AHCYL2: variants seen among roughly 807,000 people sequenced by gnomAD.
AHCYL2 encodes S-adenosylhomocysteine hydrolase-like protein 2.
Under a neutral mutation model 81.4 loss-of-function variants are expected in AHCYL2, and 28 were observed. The ratio of observed to expected loss-of-function variants is 0.34; its 90% CI spans 0.25 to 0.47. The LOEUF (loss-of-function observed/expected upper bound fraction) is 0.47. Ranked by LOEUF, AHCYL2 falls within the 20% of genes least tolerant of loss-of-function variation. The pLI is 1.00. For synonymous variants in AHCYL2, 272 were observed against 290.2 expected (o/e 0.94, Z 0.64); for missense variants, 551 against 785.1 (o/e 0.70, Z 3.56).
chr7:129,339,809 C>T (rs1463129976), intron 1 of AHCYL2, among the ~76,000 whole-genome samples: 1 of 152,008 alleles, frequency 6.6e-6, no homozygotes, highest in East Asian at 1.9e-4. Context: ...GGACTACAGG[C>T]ATGAGCCACC....
At chr7:129,417,228 C>T (rs1661960284) in intron 12 of AHCYL2, among the ~76,000 whole-genome samples, 1 of 152,172 alleles carries the variant, frequency 6.6e-6, no homozygotes, top group South Asian at 2.1e-4. Flanking sequence ...AGAGAAAGGC[C>T]AGTACACATG....
chr7:129,288,000 A>G (rs1584746292), intron 1 of AHCYL2, among the ~76,000 whole-genome samples: 1 of 152,226 alleles, frequency 6.6e-6, no homozygotes, highest in Non-Finnish European at 1.5e-5. Flanking sequence ...AAAGATAAAG[A>G]CCTTAAATAA....
chr7:129,243,208 A>G (rs1794928360), intron 1 of AHCYL2, among the ~76,000 whole-genome samples: 1 of 151,484 alleles, frequency 6.6e-6, no homozygotes, highest in Non-Finnish European at 1.5e-5. Flanking sequence ...TATTTTTAGT[A>G]GAGATGGGGT....
At chr7:129,312,286 G>T (rs1208220720) in intron 1 of AHCYL2, among the ~76,000 whole-genome samples, 6 of 152,168 alleles carry the variant, frequency 3.9e-5, no homozygotes, top group African/African-American at 1.2e-4. Context: ...GGGTCTCCCT[G>T]TGTTGCCCAG....
chr7:129,322,123 G>GTGTGTGTT (rs1465522595), intron 1 of AHCYL2, among the ~76,000 whole-genome samples: 1 of 151,330 alleles, frequency 6.6e-6, no homozygotes, highest in Non-Finnish European at 1.5e-5. Context: ...GTGTGTGTGT[G>GTGTGTGTT]TGTGTGTATA....
intron 1 of AHCYL2, among the ~76,000 whole-genome samples, chr7:129,270,263 G>A (rs886319864): frequency 4.6e-5 from 7 of 152,168 alleles, no homozygotes; most frequent in African/African-American, 1.4e-4. Flanking sequence ...GTACCTGCTT[G>A]ATTGGCGTCC....
At chr7:129,234,737 CCTT>C (rs1026162410) in intron 1 of AHCYL2, among the ~76,000 whole-genome samples, 6 of 152,158 alleles carry the variant, frequency 3.9e-5, no homozygotes, top group African/African-American at 1.4e-4. Context: ...TTCAAGCAGT[CCTT>C]CTGCCTCACC....
intron 1 of AHCYL2, among the ~76,000 whole-genome samples, chr7:129,254,221 C>T (rs2150707069): frequency 6.6e-6 from 1 of 152,218 alleles, no homozygotes; most frequent in Non-Finnish European, 1.5e-5. Context: ...ATAATGGTAG[C>T]TATACTTTGA....
In AHCYL2 at chr7:129,389,168, T is replaced by C; in HGVS notation, c.588T>C (p.Phe196=). ...TTAAGAACATCAAACAGGCAGAGTT[T>C]GGACGAAGAGAAATTGAAATTGCTG... ...FCVKNIKQAE[F]GRREIEIAEQ... The change falls in exon 3 of 17, where the codon TTT becomes TTC. Residue 196 remains phenylalanine, a synonymous_variant. Coordinates refer to ENST00000325006, the MANE Select transcript of AHCYL2 (RefSeq NM_015328.4). The C allele has an allele frequency of 6.2e-7, 1 of 1,614,024 alleles. No individual in the cohort carries two copies.
chr7:129,254,256 A>T (rs999943359), intron 1 of AHCYL2, among the ~76,000 whole-genome samples: 5 of 152,212 alleles, frequency 3.3e-5, no homozygotes, highest in African/African-American at 1.2e-4. Context: ...AAAGATGGCT[A>T]ATTAGAGTAC....
chr7:129,247,334 G>A (rs1795096909), intron 1 of AHCYL2, among the ~76,000 whole-genome samples: 1 of 152,196 alleles, frequency 6.6e-6, no homozygotes. Flanking sequence ...ATGATGTTGA[G>A]CATGTGCTTA....
At chr7:129,412,448 T>G (rs1796629713) in intron 11 of AHCYL2, among the ~76,000 whole-genome samples, 1 of 151,574 alleles carries the variant, frequency 6.6e-6, no homozygotes, top group African/African-American at 2.4e-5. Context: ...ACCCGGCTAA[T>G]TTTTTGTATT....
chr7:129,424,603 G>T, intron 13 of AHCYL2: 1 of 508,174 alleles, frequency 2.0e-6, no homozygotes. Context: ...ACTGATATTT[G>T]GCATAAGCCT....
intron 1 of AHCYL2, among the ~76,000 whole-genome samples, chr7:129,236,652 G>A (rs1038311636): frequency 3.9e-5 from 6 of 152,152 alleles, no homozygotes; most frequent in African/African-American, 7.2e-5. Flanking sequence ...AATGCAAAAT[G>A]CCATGTTGTC....
rs189289958 is a variant in AHCYL2 at position 129,354,460 on chromosome 7, A to G, written c.364-25178A>G. Among the ~76,000 whole-genome samples, 222 of 152,302 alleles carry G rather than the reference A, an allele frequency of 1.5e-3. 1 individual carries two copies. Among genetic ancestry groups the G allele is most frequent in the Non-Finnish European group, 2.7e-3 (187 of 68,010 alleles). ...GACAGCTGGTATGGAGACAAGAAGA[A>G]AGGGCTGAGTAAGGAAATGTAACAG... On this transcript the variant is annotated intron_variant, in intron 1 of 16. Transcript: ENST00000325006.
chr7:129,342,236 C>T (rs2150817671), intron 1 of AHCYL2, among the ~76,000 whole-genome samples: 1 of 152,240 alleles, frequency 6.6e-6, no homozygotes, highest in African/African-American at 2.4e-5. Context: ...GGTAGGAGAG[C>T]ACCAGAAACC....
chr7:129,225,520 C>T (rs1263108012), intron 1 of AHCYL2, 81 bp downstream of exon 1: 10 of 1,406,138 alleles, frequency 7.1e-6, no homozygotes, highest in Non-Finnish European at 9.2e-6. Flanking sequence ...CGGCACCACC[C>T]TCCACGCCCT....
intron 1 of AHCYL2, among the ~76,000 whole-genome samples, chr7:129,251,385 G>C (rs1455030462): frequency 1.4e-5 from 2 of 147,500 alleles, no homozygotes; most frequent in African/African-American, 5.0e-5. Flanking sequence ...ATGCTTGTGT[G>C]AAGAGAAGTG....
Position 129,368,364 on chromosome 7 carries a change from G to C in AHCYL2, c.364-11274G>C. The C allele has an allele frequency of 6.6e-7, 1 of 1,509,262 alleles. No homozygotes were observed. Among genetic ancestry groups the C allele is most frequent in the South Asian group, 1.3e-5 (1 of 74,464 alleles). The allele number at this position is 1,509,262 out of a possible 1,614,324, so 93.5% of individuals were successfully genotyped here. ...GGAGGCTGCTGTGAAAAGGGATGCA[G>C]CTTCTGCTAGCCACTGTGAACTTCT... On this transcript the variant is annotated intron_variant, in intron 1 of 16. Transcript: ENST00000325006. The surrounding 1 kb of genome is among the most constrained non-coding windows in gnomAD (Gnocchi z 4.4).
Sources: gnomAD v4.1 joint callset for allele counts (sites outside exome capture counted in the v4.1 genomes callset) on GRCh38, gnomAD v4.1.1 for gene constraint, Gnocchi (gnomAD v3.1) non-coding constraint, MANE v1.5 for transcripts, NCBI Gene and HGNC (gene_info 2026-07-23, HGNC 2026-07-21) for gene names.